The following NT5DC1 variants were observed in gnomAD, a reference collection of about 807,000 sequenced individuals.
The protein encoded by NT5DC1 is 5'-nucleotidase domain containing 1, also known as 5'-nucleotidase domain-containing protein 1.
Under a neutral mutation model 59.4 loss-of-function variants are expected in NT5DC1, and 42 were observed. The ratio of observed to expected loss-of-function variants is 0.71; its 90% confidence interval spans 0.55 to 0.92. The LOEUF (loss-of-function observed/expected upper bound fraction) is 0.92, where lower values mean the gene tolerates loss of function less well. Ranked by LOEUF, NT5DC1 falls within the 40% of genes least tolerant of loss-of-function variation. The pLI is 0.00. For missense variants in NT5DC1, 501 were observed against 537.1 expected, an observed-to-expected ratio of 0.93 and a Z score of 0.66; for synonymous variants, 172 against 188.1, an observed-to-expected ratio of 0.91 and a Z score of 0.70.
At chr6:116,111,271 A>T (rs1379433266) in intron 4 of NT5DC1, among the ~76,000 whole-genome samples, 5 of 152,126 alleles carry the variant, frequency 3.3e-5, no homozygotes, top group South Asian at 2.1e-4. Context: ...TTTTGTCCTC[A>T]ATCCTTACTT....
intron 6 of NT5DC1, among the ~76,000 whole-genome samples, chr6:116,153,548 A>C (rs559868780): frequency 6.6e-6 from 1 of 152,046 alleles, no homozygotes; most frequent in Non-Finnish European, 1.5e-5. Context: ...TGAGTCGAGG[A>C]TTGGTCATAA....
chr6:116,117,911 T>C lies in NT5DC1; in HGVS notation c.495T>C (p.Ala165=), dbSNP rs1778999528. 6.3e-7 allele frequency: 1 copy of C among 1,584,288 alleles called. No individual in the cohort carries two copies. The highest frequency in any genetic ancestry group is 1.7e-5 in the Admixed American group (1 of 59,950). ...TFDFWKDIVA[A]IQHNYKMSAF... is the part of the protein sequence containing the mutation. The stretch of plus-strand genomic sequence containing the variant: ...ATTTTTGGAAGGATATAGTTGCTGC[T>C]ATACAACACAATTATAAAATGTCAG... Residue 165 remains alanine (A), a synonymous_variant, in exon 6 of 12, where the codon GCT becomes GCC. Coordinates refer to ENST00000319550, the MANE Select transcript of NT5DC1 (RefSeq NM_152729.3).
chr6:116,172,902 G>T (rs746741659), intron 6 of NT5DC1, among the ~76,000 whole-genome samples: 1 of 151,978 alleles, frequency 6.6e-6, no homozygotes, highest in Non-Finnish European at 1.5e-5. Flanking sequence ...GATTCTTTTT[G>T]CAGGCACTTT....
At chr6:116,228,182 T>A (rs989686328) in intron 8 of NT5DC1, among the ~76,000 whole-genome samples, 9 of 152,140 alleles carry the variant, frequency 5.9e-5, no homozygotes, top group Admixed American at 1.3e-4. Context: ...GTATATAGGA[T>A]TTCATGCTTT....
At chr6:116,153,912 C>T (rs1022493460) in intron 6 of NT5DC1, among the ~76,000 whole-genome samples, 2 of 151,844 alleles carry the variant, frequency 1.3e-5, no homozygotes, top group East Asian at 1.9e-4. Flanking sequence ...AATCTTACTA[C>T]GTGCCAAAAG....
chr6:116,102,008 A>G (rs184048449), intron 1 of NT5DC1, among the ~76,000 whole-genome samples: 1 of 152,366 alleles, frequency 6.6e-6, no homozygotes, highest in East Asian at 1.9e-4. Flanking sequence ...CCCCATCTGT[A>G]AAATGGAGCT....
chr6:116,114,436 T>C (rs1458204195), intron 4 of NT5DC1, among the ~76,000 whole-genome samples: 3 of 149,820 alleles, frequency 2.0e-5, no homozygotes, highest in Non-Finnish European at 4.4e-5. Flanking sequence ...CAAACGTCTA[T>C]TGAGTGCTTA....
chr6:116,231,778 T>C (rs1292339532), intron 8 of NT5DC1, among the ~76,000 whole-genome samples: 1 of 152,168 alleles, frequency 6.6e-6, no homozygotes, highest in Non-Finnish European at 1.5e-5. Flanking sequence ...AGAACATGTG[T>C]AAAATAGAAT....
At chr6:116,138,210 T>C (rs1207518300) in intron 6 of NT5DC1, among the ~76,000 whole-genome samples, 1 of 152,228 alleles carries the variant, frequency 6.6e-6, no homozygotes, top group Admixed American at 6.5e-5. Context: ...AAGTAGGTAC[T>C]ATTATTATTC....
At chr6:116,132,121 A>G (rs970737975) in intron 6 of NT5DC1, among the ~76,000 whole-genome samples, 2 of 152,134 alleles carry the variant, frequency 1.3e-5, no homozygotes, top group East Asian at 1.9e-4. Flanking sequence ...CAAATACTTT[A>G]TAGTGAATAA....
chr6:116,204,826 A>G (rs1441364045), intron 6 of NT5DC1, among the ~76,000 whole-genome samples: 1 of 152,010 alleles, frequency 6.6e-6, no homozygotes, highest in African/African-American at 2.4e-5. Flanking sequence ...AACAATGAAT[A>G]GTGTGTAGTA....
Position 116,115,748 on chromosome 6 carries a change from G to T in NT5DC1, c.422G>T (p.Arg141Met). Residue 141 changes from arginine to methionine, a missense_variant, in exon 5 of 12, where the codon AGG becomes ATG. Coordinates refer to ENST00000319550, the MANE Select transcript of NT5DC1 (RefSeq NM_152729.3). ...FDLPGALLCA[R>M]VVDYLTKLNN... ...CTGCCAGGAGCTCTTCTGTGTGCCA[G>T]GGTGGTGGACTATTTAACAAAAGTA... 1 of 1,593,998 alleles carries T rather than the reference G, an allele frequency of 6.3e-7. No individual in the cohort carries two copies. The highest frequency in any genetic ancestry group is 8.6e-7 in the Non-Finnish European group (1 of 1,161,780).
intron 6 of NT5DC1, among the ~76,000 whole-genome samples, chr6:116,147,015 T>TA (rs1779916121): frequency 2.2e-5 from 3 of 136,100 alleles, no homozygotes; most frequent in African/African-American, 8.5e-5. Flanking sequence ...ATATATATAT[T>TA]TTTAATCATG....
At chr6:116,130,628 T>G (rs1779436033) in intron 6 of NT5DC1, among the ~76,000 whole-genome samples, 1 of 152,126 alleles carries the variant, frequency 6.6e-6, no homozygotes, top group Non-Finnish European at 1.5e-5. Flanking sequence ...TTCTATCTAG[T>G]GAACAGCTAA....
chr6:116,156,915 A>C lies in NT5DC1; in HGVS notation c.529+38970A>C, dbSNP rs560540210. Among the ~76,000 whole-genome samples, 21 of 152,260 alleles carry C rather than the reference A, an allele frequency of 1.4e-4. No individual in the cohort carries two copies. In the South Asian group the frequency reaches 3.9e-3, roughly 29 times the overall value. ...TCTCCTCAGGAGCCCAGCTTGTGTA[A>C]GTAGCCCCTGGTGCATTGACCAGCC... is the stretch of plus-strand genomic sequence containing the variant. On this transcript the variant is annotated intron_variant, in intron 6 of 11. Coordinates refer to ENST00000319550, the MANE Select transcript of NT5DC1 (RefSeq NM_152729.3).
chr6:116,209,404 AC>A (rs1306126617), intron 6 of NT5DC1, among the ~76,000 whole-genome samples: 3 of 152,034 alleles, frequency 2.0e-5, no homozygotes, highest in Non-Finnish European at 4.4e-5. Flanking sequence ...ATCCTCTGGT[AC>A]TTGCCTGATA....
intron 8 of NT5DC1, among the ~76,000 whole-genome samples, chr6:116,229,302 C>G (rs1265544081): frequency 6.6e-6 from 1 of 152,164 alleles, no homozygotes; most frequent in African/African-American, 2.4e-5. Flanking sequence ...CCCGCATCAT[C>G]CCTTGTGTGA....
At chr6:116,225,408 T>G (rs1052986337) in intron 8 of NT5DC1, among the ~76,000 whole-genome samples, 9 of 152,152 alleles carry the variant, frequency 5.9e-5, no homozygotes, top group Admixed American at 5.2e-4. Context: ...GACCAAGCCC[T>G]GACATTCTCT....
At chr6:116,110,622 A>G in intron 3 of NT5DC1, 1 of 616,776 alleles carries the variant, frequency 1.6e-6, no homozygotes, top group Middle Eastern at 4.3e-4. Flanking sequence ...CCTCAGAGTG[A>G]GTATCTCCTA....
Sources: allele counts gnomAD v4.1 joint callset (sites outside exome capture counted in the v4.1 genomes callset), GRCh38; gene constraint gnomAD v4.1.1; transcripts MANE v1.5; gene names NCBI Gene and HGNC (gene_info 2026-07-23, HGNC 2026-07-21).